The following CDC42EP3 variants were observed in gnomAD, a reference collection of about 807,000 sequenced individuals.
CDC42EP3 encodes CDC42 effector protein 3.
Under a neutral mutation model 15.5 loss-of-function variants are expected in CDC42EP3, and 4 were observed. The observed-to-expected ratio is 0.26, with a 90% CI of 0.13 to 0.59. The LOEUF (loss-of-function observed/expected upper bound fraction) is 0.59, where lower values mean the gene tolerates loss of function less well. Ranked by LOEUF, CDC42EP3 falls within the 20% of genes least tolerant of loss-of-function variation. The probability of loss-of-function intolerance (pLI) is 0.89; values close to 1 mark genes in which losing one functional copy is unlikely to be tolerated. For missense variants in CDC42EP3, 309 were observed against 311.2 expected (o/e 0.99, Z 0.05); for synonymous variants, 145 against 130.3 (o/e 1.11, Z -0.77).
chr2:37,650,242 C>A (rs1417969066), intron 1 of CDC42EP3, among the ~76,000 whole-genome samples: 1 of 152,202 alleles, frequency 6.6e-6, no homozygotes, highest in Non-Finnish European at 1.5e-5. Context: ...CCCATAATTT[C>A]TCGAACTGAC....
At chr2:37,648,454 C>T (rs1665548204) in intron 1 of CDC42EP3, among the ~76,000 whole-genome samples, 1 of 152,202 alleles carries the variant, frequency 6.6e-6, no homozygotes, top group Admixed American at 6.5e-5. Context: ...AACTGTGCTC[C>T]ACCACCCACT....
chr2:37,669,020 G>C (rs1666325077), intron 1 of CDC42EP3, among the ~76,000 whole-genome samples: 1 of 152,048 alleles, frequency 6.6e-6, no homozygotes, highest in Non-Finnish European at 1.5e-5. Flanking sequence ...TCAATGAAAA[G>C]AAATACAGGT....
chr2:37,653,847 G>A (rs1665763119), intron 1 of CDC42EP3, among the ~76,000 whole-genome samples: 1 of 152,172 alleles, frequency 6.6e-6, no homozygotes, highest in Non-Finnish European at 1.5e-5. Context: ...GGTGGGTTGA[G>A]GGGTGCTACT....
rs1286845091 is a variant in CDC42EP3 at position 37,671,513 on chromosome 2, T to G, written c.-323A>C. ...CGCTGTGCGCAGATCCAGCCGAGTC[T>G]GCCGGCGTGGTGCCTGCTCACCGCA... is the stretch of plus-strand genomic sequence containing the variant. On this transcript the variant is annotated 5_prime_UTR_variant, in exon 1 of 2. Transcript: ENST00000295324. 1.3e-5 allele frequency: 2 copies of G among 152,220 alleles called. No individual in the cohort carries two copies. The highest frequency in any genetic ancestry group is 2.4e-5 in the African/African-American group (1 of 41,456). 9.4% of individuals were successfully genotyped at this position (152,220 alleles called of 1,614,324 possible).
Position 37,646,093 on chromosome 2 carries a change from G to T in CDC42EP3, c.495C>A (p.Val165=), listed in dbSNP as rs373474266. The change falls in exon 2 of 2, where the codon GTC becomes GTA. Residue 165 remains valine (V), a synonymous_variant. Coordinates refer to ENST00000295324, the MANE Select transcript of CDC42EP3 (RefSeq NM_006449.5). ...AGCCCCACGAGGTGTCTCCCTGGTGGACTGTCCCATTCTCCAACAGACTGC... is the reference window on the plus strand; with the variant it reads ...AGCCCCACGAGGTGTCTCCCTGGTGTACTGTCCCATTCTCCAACAGACTGC... ...EKSSLLENGT[V]HQGDTSWGSS... is the part of the protein sequence containing the mutation. The T allele has an allele frequency of 1.2e-6, 2 of 1,614,204 alleles. No homozygotes were observed. The highest frequency in any genetic ancestry group is 4.5e-5 in the East Asian group (2 of 44,882).
chr2:37,670,160 C>T (rs1666361556), intron 1 of CDC42EP3, among the ~76,000 whole-genome samples: 1 of 152,156 alleles, frequency 6.6e-6, no homozygotes, highest in Non-Finnish European at 1.5e-5. Flanking sequence ...ATCGCTGGTT[C>T]CTGGTGAGTC....
At chr2:37,660,942 A>G (rs1460173733) in intron 1 of CDC42EP3, among the ~76,000 whole-genome samples, 1 of 152,206 alleles carries the variant, frequency 6.6e-6, no homozygotes, top group Admixed American at 6.5e-5. Flanking sequence ...ACTTCATACC[A>G]TATGGGAGTC....
chr2:37,671,971 A>C (rs2124644747), upstream of CDC42EP3: 1 of 152,302 alleles, frequency 6.6e-6, no homozygotes, highest in Non-Finnish European at 1.5e-5. Context: ...CGGTTTAAAG[A>C]GGGACCCGGA....
upstream of CDC42EP3, chr2:37,672,450 G>C (rs1666465085): frequency 6.6e-6 from 1 of 152,186 alleles, no homozygotes; most frequent in South Asian, 2.1e-4. Flanking sequence ...GCGACGAGGC[G>C]CAAGTGGCGC....
chr2:37,670,881 AAAC>A, intron 1 of CDC42EP3, among the ~76,000 whole-genome samples: 1 of 152,238 alleles, frequency 6.6e-6, no homozygotes. Flanking sequence ...AGAAAACAAA[AAAC>A]AAAAAACCTT....
At chr2:37,652,296 G>T (rs1361982103) in intron 1 of CDC42EP3, among the ~76,000 whole-genome samples, 2 of 151,870 alleles carry the variant, frequency 1.3e-5, no homozygotes, top group Admixed American at 1.3e-4. Context: ...AGGGCTTTGC[G>T]TTCTGCCCAG....
At chr2:37,657,012 C>G (rs1167250627) in intron 1 of CDC42EP3, among the ~76,000 whole-genome samples, 1 of 124,140 alleles carries the variant, frequency 8.1e-6, no homozygotes, top group Non-Finnish European at 1.6e-5. Flanking sequence ...CCGCCATCCT[C>G]GAGGAGAAAA....
intron 1 of CDC42EP3, among the ~76,000 whole-genome samples, chr2:37,654,329 A>T (rs1046425864): frequency 1.3e-5 from 2 of 152,200 alleles, no homozygotes; most frequent in East Asian, 3.8e-4. Flanking sequence ...CGATTAGGAC[A>T]TGTGAGAAGA....
At chr2:37,653,981 C>T (rs922165500) in intron 1 of CDC42EP3, among the ~76,000 whole-genome samples, 4 of 152,158 alleles carry the variant, frequency 2.6e-5, no homozygotes, top group South Asian at 2.1e-4. Flanking sequence ...GATCACTTTT[C>T]GCTTTGCCTC....
At chr2:37,672,810 C>G (rs1666476555), upstream of CDC42EP3, among the ~76,000 whole-genome samples, 2 of 152,142 alleles carry the variant, frequency 1.3e-5, no homozygotes, top group African/African-American at 2.4e-5. Context: ...TGGCACAACG[C>G]GGAGAACCTC....
At chr2:37,655,458 G>C (rs1424101809) in intron 1 of CDC42EP3, among the ~76,000 whole-genome samples, 1 of 152,146 alleles carries the variant, frequency 6.6e-6, no homozygotes, top group East Asian at 1.9e-4. Flanking sequence ...ACCTCACATA[G>C]CACCAAGTCT....
At chr2:37,659,061 A>C (rs1039446352) in intron 1 of CDC42EP3, among the ~76,000 whole-genome samples, 1 of 152,246 alleles carries the variant, frequency 6.6e-6, no homozygotes, top group Admixed American at 6.5e-5. Flanking sequence ...CTAAGCTCCC[A>C]TAGCGTCCTG....
At chr2:37,664,185 A>G (rs1313446410) in intron 1 of CDC42EP3, among the ~76,000 whole-genome samples, 7 of 151,944 alleles carry the variant, frequency 4.6e-5, no homozygotes, top group Admixed American at 3.9e-4. Flanking sequence ...AAACAAAACA[A>G]AACAAAACAA....
intron 1 of CDC42EP3, among the ~76,000 whole-genome samples, chr2:37,649,845 T>C (rs1264116954): frequency 6.6e-6 from 1 of 151,806 alleles, no homozygotes; most frequent in Non-Finnish European, 1.5e-5. Flanking sequence ...AAGAAAAGGG[T>C]TGGTGGGGAG....
Sources: allele counts gnomAD v4.1 joint callset (sites outside exome capture counted in the v4.1 genomes callset), GRCh38; gene constraint gnomAD v4.1.1; transcripts MANE v1.5; gene names NCBI Gene and HGNC (gene_info 2026-07-23, HGNC 2026-07-21).